The following FKTN variants were observed in gnomAD, a reference collection of about 807,000 sequenced individuals.
FKTN encodes the protein fukutin.
A neutral mutation model predicts 58.6 loss-of-function variants in FKTN; 47 were observed. The ratio of observed to expected loss-of-function variants is 0.80; its 90% confidence interval spans 0.63 to 1.02. The LOEUF is 1.02. Ranked by LOEUF, FKTN falls within the 50% of genes least tolerant of loss-of-function variation. The pLI, the probability that FKTN is intolerant of heterozygous loss-of-function variation, is 0.00. For missense variants in FKTN, 516 were observed against 537.3 expected (o/e 0.96, Z 0.39); for synonymous variants, 178 against 191.9 (o/e 0.93, Z 0.60).
chr9:105,568,314 C>T (rs1315923978), intron 1 of FKTN, among the ~76,000 whole-genome samples: 1 of 152,156 alleles, frequency 6.6e-6, no homozygotes, highest in East Asian at 1.9e-4. Flanking sequence ...AACTGAAGAG[C>T]TTCTGCATAG....
chr9:105,627,782 A>G (rs1748254170), intron 10 of FKTN, among the ~76,000 whole-genome samples: 1 of 152,004 alleles, frequency 6.6e-6, no homozygotes, highest in African/African-American at 2.4e-5. Flanking sequence ...GCTTTATTGG[A>G]GTACTTTTGC....
At position 105,586,524 on chromosome 9, in the gene FKTN, G is replaced by A. The variant is rs539686796; in HGVS notation, c.106-10074G>A. Among the ~76,000 whole-genome samples the A allele has an allele frequency of 6.6e-4, 100 of 152,210 alleles. 2 individuals are homozygous for A. The South Asian group carries it at 7.3e-3, about 11-fold the overall frequency. ...TTTAATCCGTATTTATTGATCACTC[G>A]TCTTACACAGTGTACTTAGGAATAC... is the stretch of plus-strand genomic sequence containing the variant. On this transcript the variant is annotated intron_variant, in intron 3 of 10. Transcript: ENST00000357998.
At position 105,640,126 on chromosome 9, in the gene FKTN, C is replaced by A; in HGVS notation, c.*4862C>A. 6.5e-7 allele frequency: 1 copy of A among 1,535,316 alleles called. No homozygotes were observed. Among genetic ancestry groups the A allele is most frequent in the Non-Finnish European group, 8.7e-7 (1 of 1,146,654 alleles). On this transcript the variant is annotated 3_prime_UTR_variant, in exon 11 of 11. Transcript: ENST00000357998. ...GCAAGAATCAGCAGGGTGCATGATG[C>A]CATTTTAAGCTGCTTCACATCAGAC...
chr9:105,608,021 G>A (rs1829224319), intron 7 of FKTN, 70 bp downstream of exon 7: 1 of 1,354,652 alleles, frequency 7.4e-7, no homozygotes, highest in African/African-American at 1.4e-5. Context: ...ATTTGAGGGT[G>A]GTAAGATGAA....
chr9:105,570,295 AT>A (rs1840519907), intron 1 of FKTN, among the ~76,000 whole-genome samples: 1 of 152,142 alleles, frequency 6.6e-6, no homozygotes, highest in South Asian at 2.1e-4. Context: ...AATTCAGCCA[AT>A]TTTAGGCTGG....
rs1372096658 is a variant in FKTN, at chr9:105,593,038, C to T, written c.106-3560C>T. On this transcript the variant is annotated intron_variant, in intron 3 of 10. Transcript: ENST00000357998. ...CAATTTTCTGTAGTTAGTCTGTTCT[C>T]GAATTGCTATAAAGAAACACCTAAG... Among the ~76,000 whole-genome samples, 4 of 152,130 alleles carry T rather than the reference C, an allele frequency of 2.6e-5. No homozygotes were observed. The South Asian group carries it at 6.2e-4, about 24-fold the overall frequency.
At position 105,638,635 on chromosome 9, in the gene FKTN, T is replaced by A. The variant is rs1204987686; in HGVS notation, c.*3371T>A. On this transcript the variant is annotated 3_prime_UTR_variant, in exon 11 of 11. Coordinates refer to ENST00000357998, the MANE Select transcript of FKTN (RefSeq NM_001079802.2). Reference sequence around the variant, plus strand: ...CCTTTCCCTGGTAGTAGTGGTCTCATTCACAAAAAAGAATAATAGATGTAA... The same window carrying A: ...CCTTTCCCTGGTAGTAGTGGTCTCAATCACAAAAAAGAATAATAGATGTAA... 2.0e-6 allele frequency: 2 copies of A among 985,166 alleles called. No homozygotes were observed. The highest frequency in any genetic ancestry group is 3.5e-5 in the African/African-American group (2 of 57,216). 61.0% of individuals were successfully genotyped at this position (985,166 alleles called of 1,614,324 possible). A position where few individuals can be genotyped will look rare whatever the true frequency, so the allele number is the denominator to read the frequency against.
chr9:105,607,682 A>C, intron 6 of FKTN, 137 bp from the exon 7 acceptor site: 1 of 708,566 alleles, frequency 1.4e-6, no homozygotes, highest in Non-Finnish European at 2.6e-6. Context: ...ATAGGTATAC[A>C]TGTGCCATGG....
chr9:105,598,995 A>G (rs994016849), intron 4 of FKTN, among the ~76,000 whole-genome samples: 3 of 152,132 alleles, frequency 2.0e-5, no homozygotes, highest in African/African-American at 4.8e-5. Flanking sequence ...ACTTCTAGTC[A>G]TCAAAAAACA....
chr9:105,606,808 A>G (rs1828981193), intron 6 of FKTN, among the ~76,000 whole-genome samples: 1 of 151,650 alleles, frequency 6.6e-6, no homozygotes, highest in Non-Finnish European at 1.5e-5. Context: ...GAAGTCTTCT[A>G]TATTTTTTGT....
intron 3 of FKTN, 21 bp downstream of exon 3, chr9:105,575,158 T>A: frequency 1.6e-6 from 2 of 1,218,314 alleles, no homozygotes; most frequent in East Asian, 2.3e-5. Context: ...TCCTTCTTTC[T>A]TATCATTCCT....
At chr9:105,612,259 T>C (rs1230770179) in intron 7 of FKTN, among the ~76,000 whole-genome samples, 1 of 152,136 alleles carries the variant, frequency 6.6e-6, no homozygotes, top group Admixed American at 6.5e-5. Context: ...TTTAAGTTCC[T>C]GATAGATGCT....
chr9:105,581,856 A>T (rs778422616), intron 3 of FKTN, among the ~76,000 whole-genome samples: 6 of 152,088 alleles, frequency 3.9e-5, no homozygotes, highest in Non-Finnish European at 7.4e-5. Flanking sequence ...CAGGTGTGGG[A>T]TATAGTCTCG....
chr9:105,598,790 G>A (rs1588070301), intron 4 of FKTN: 1 of 151,982 alleles, frequency 6.6e-6, no homozygotes, highest in African/African-American at 2.4e-5. Flanking sequence ...CATCATATTT[G>A]TATTTAACAC....
chr9:105,581,445 C>T (rs553938932), intron 3 of FKTN, among the ~76,000 whole-genome samples: 3,891 of 149,560 alleles, frequency 0.026, 102 homozygotes, highest in Middle Eastern at 0.041. Context: ...GTCAGTGTGC[C>T]CCTGCTGCGG....
chr9:105,628,029 A>G (rs1160771683), intron 10 of FKTN, among the ~76,000 whole-genome samples: 1 of 152,204 alleles, frequency 6.6e-6, no homozygotes, highest in African/African-American at 2.4e-5. Context: ...GCTTCACAAG[A>G]AGTTAAAAGA....
intron 10 of FKTN, among the ~76,000 whole-genome samples, chr9:105,627,385 C>T (rs1387485144): frequency 6.6e-6 from 1 of 152,018 alleles, no homozygotes; most frequent in Non-Finnish European, 1.5e-5. Flanking sequence ...TTTCCCTATC[C>T]CAAGATAATG....
chr9:105,609,759 T>C lies in FKTN; in HGVS notation c.780+1808T>C, dbSNP rs535232584. On this transcript the variant is annotated intron_variant, in intron 7 of 10. Coordinates refer to ENST00000357998, the MANE Select transcript of FKTN (RefSeq NM_001079802.2). ...GTATAGAAGTGGTGCTGTGTTCTCATTACATCTCACTGGGCACTGCATAAT... is the reference window on the plus strand; with the variant it reads ...GTATAGAAGTGGTGCTGTGTTCTCACTACATCTCACTGGGCACTGCATAAT... 1.1e-4 allele frequency among the ~76,000 whole-genome samples: 17 copies of C among 149,612 alleles called. No homozygotes were observed. The South Asian group carries it at 3.3e-3, about 29-fold the overall frequency.
Position 105,581,864 on chromosome 9 carries a change from T to C in FKTN, c.105+6727T>C, listed in dbSNP as rs570152135. On this transcript the variant is annotated intron_variant, in intron 3 of 10. Transcript: ENST00000357998. Reference sequence around the variant, plus strand: ...TCCGAGCCAGGTGTGGGATATAGTCTCGTGGTGCACTGTTTTTTAAGCCGG... The same window carrying C: ...TCCGAGCCAGGTGTGGGATATAGTCCCGTGGTGCACTGTTTTTTAAGCCGG... Among the ~76,000 whole-genome samples the C allele has an allele frequency of 5.3e-4, 81 of 152,326 alleles. 1 individual carries two copies. In the Middle Eastern group the frequency reaches 0.02, roughly 38 times the overall value.
Sources: gnomAD v4.1 joint callset for allele counts (sites outside exome capture counted in the v4.1 genomes callset) on GRCh38, gnomAD v4.1.1 for gene constraint, MANE v1.5 for transcripts, NCBI Gene and HGNC (gene_info 2026-07-23, HGNC 2026-07-21) for gene names.